WDR1: variants seen among roughly 807,000 people sequenced by gnomAD.
WDR1 encodes WD repeat-containing protein 1.
Under a neutral mutation model 71.9 loss-of-function variants are expected in WDR1, and 21 were observed. That is an observed-to-expected ratio of 0.29 (90% CI 0.21 to 0.42). The LOEUF (loss-of-function observed/expected upper bound fraction) is 0.42. WDR1 is among the 10% of genes least tolerant of loss of function. The pLI, the probability that WDR1 is intolerant of heterozygous loss-of-function variation, is 1.00. For missense variants in WDR1, 696 were observed against 824.5 expected, an observed-to-expected ratio of 0.84 and a Z score of 1.91; for synonymous variants, 424 against 347.4, an observed-to-expected ratio of 1.22 and a Z score of -2.45.
At position 10,116,791 on chromosome 4, in the gene WDR1, G is replaced by T; in HGVS notation, c.-125C>A. 8.8e-7 allele frequency: 1 copy of T among 1,137,374 alleles called. No homozygotes were observed. Among genetic ancestry groups the T allele is most frequent in the South Asian group, 3.2e-5 (1 of 30,832 alleles). 70.5% of individuals were successfully genotyped at this position (1,137,374 alleles called of 1,614,324 possible). A position where few individuals can be genotyped will look rare whatever the true frequency, so the allele number is the denominator to read the frequency against. ...CGGAAGGCGGCACCGGGCGTGCCGG[G>T]AGTGGAGTGGGCGGTCCGAGGCCGG... is the stretch of plus-strand genomic sequence containing the variant. On this transcript the variant is annotated 5_prime_UTR_variant, in exon 1 of 15. Transcript: ENST00000499869.
At position 10,092,960 on chromosome 4, in the gene WDR1, A is replaced by T; in HGVS notation, c.559-4219T>A. 1.0e-5 allele frequency: 9 copies of T among 894,346 alleles called. No homozygotes were observed. The South Asian group carries it at 1.2e-4, about 12-fold the overall frequency. The allele number at this position is 894,346 out of a possible 1,614,324, so 55.4% of individuals were successfully genotyped here. A position where few individuals can be genotyped will look rare whatever the true frequency, so the allele number is the denominator to read the frequency against. On this transcript the variant is annotated intron_variant, in intron 5 of 14. Coordinates refer to ENST00000499869, the MANE Select transcript of WDR1 (RefSeq NM_017491.5). ...CTCCTGCCTGTCCTCCCTTGCAGCC[A>T]ACACATAGCCAAGACTGACCTGTAT...
At chr4:10,109,569 T>A (rs1577078523) in intron 2 of WDR1, among the ~76,000 whole-genome samples, 1 of 152,146 alleles carries the variant, frequency 6.6e-6, no homozygotes. Context: ...TGAACGACTT[T>A]CCCCTCCTGC....
At chr4:10,084,916 CAGG>C (rs1449388505) in intron 8 of WDR1, among the ~76,000 whole-genome samples, 10 of 152,234 alleles carry the variant, frequency 6.6e-5, no homozygotes, top group African/African-American at 2.4e-4. Context: ...GGGGTCGGTC[CAGG>C]AGGACTTCGC....
At chr4:10,081,667 G>GGT (rs1553920557) in intron 10 of WDR1, among the ~76,000 whole-genome samples, 5 of 136,366 alleles carry the variant, frequency 3.7e-5, no homozygotes, top group Admixed American at 1.5e-4. Flanking sequence ...GAGGGGTGGG[G>GGT]GGGGGGGAAG....
chr4:10,081,997 T>TC (rs1765035186), intron 10 of WDR1, among the ~76,000 whole-genome samples: 1 of 152,210 alleles, frequency 6.6e-6, no homozygotes, highest in Non-Finnish European at 1.5e-5. Context: ...AAGTGTGGCA[T>TC]CCCCAAAGGC....
At chr4:10,112,207 GCA>G (rs1382730795) in intron 2 of WDR1, among the ~76,000 whole-genome samples, 1 of 152,032 alleles carries the variant, frequency 6.6e-6, no homozygotes, top group Admixed American at 6.6e-5. Flanking sequence ...CCCAGTCTTT[GCA>G]CAGAGGTCAT....
chr4:10,088,529 G>C (rs1379562657), intron 6 of WDR1, 135 bp downstream of exon 6: 2 of 1,104,950 alleles, frequency 1.8e-6, no homozygotes, highest in Non-Finnish European at 2.7e-6. Context: ...CTCTGACGAC[G>C]AGTCTGCAGA....
chr4:10,075,013 T>C lies in WDR1; in HGVS notation c.*365A>G. 2.9e-6 allele frequency: 1 copy of C among 339,554 alleles called. No individual in the cohort carries two copies. The highest frequency in any genetic ancestry group is 5.4e-6 in the Non-Finnish European group (1 of 186,008). 21.0% of individuals were successfully genotyped at this position (339,554 alleles called of 1,614,324 possible). A position where few individuals can be genotyped will look rare whatever the true frequency, so the allele number is the denominator to read the frequency against. On this transcript the variant is annotated 3_prime_UTR_variant, in exon 15 of 15. Transcript: ENST00000499869. The stretch of plus-strand genomic sequence containing the variant: ...ACATGAGCCCCCCGGCTCATTCACC[T>C]GTACAACCTCCCCTGACAGATAGTG...
At chr4:10,075,569 T>G in intron 14 of WDR1, 85 bp from the exon 15 acceptor site, 1 of 1,267,222 alleles carries the variant, frequency 7.9e-7, no homozygotes, top group Non-Finnish European at 1.1e-6. Flanking sequence ...GAACAACCTG[T>G]GCCTAAATCA....
chr4:10,116,425 C>T, intron 1 of WDR1, 191 bp from the exon 2 acceptor site: 1 of 913,144 alleles, frequency 1.1e-6, no homozygotes, highest in Non-Finnish European at 1.5e-6. Context: ...CCCTTGGGGG[C>T]AGCGGGGCTC....
intron 6 of WDR1, 39 bp downstream of exon 6, chr4:10,088,625 C>T (rs367968295): frequency 6.5e-7 from 1 of 1,534,978 alleles, no homozygotes; most frequent in South Asian, 1.2e-5. Flanking sequence ...AGCAGGCAGA[C>T]AAGCCATTCC....
At chr4:10,080,363 C>A (rs1764963831) in intron 11 of WDR1, among the ~76,000 whole-genome samples, 1 of 148,166 alleles carries the variant, frequency 6.7e-6, no homozygotes, top group African/African-American at 2.5e-5. Flanking sequence ...AGGCCACCTG[C>A]CAGCCTTCTA....
At chr4:10,079,986 C>T (rs1385514762) in intron 11 of WDR1, among the ~76,000 whole-genome samples, 2 of 151,540 alleles carry the variant, frequency 1.3e-5, no homozygotes, top group East Asian at 3.9e-4. Context: ...AACTCTTTGA[C>T]TGGTGACAGG....
Position 10,088,056 on chromosome 4 carries a change from G to C in WDR1, c.718-116C>G, listed in dbSNP as rs141154634. 741 of 1,086,080 alleles carry C rather than the reference G, an allele frequency of 6.8e-4. 14 individuals are homozygous for C. The African/African-American group carries it at 0.011, about 16-fold the overall frequency. The allele number at this position is 1,086,080 out of a possible 1,614,324, so 67.3% of individuals were successfully genotyped here. A position where few individuals can be genotyped will look rare whatever the true frequency, so the allele number is the denominator to read the frequency against. On this transcript the variant is annotated intron_variant, in intron 7 of 14. Coordinates refer to ENST00000499869, the MANE Select transcript of WDR1 (RefSeq NM_017491.5). Reference sequence around the variant, plus strand: ...GTAGGACAGAAGGAGCCCAGAGAGAGGGTGGGACATGAGTGAGGCCAAGGA... The same window carrying C: ...GTAGGACAGAAGGAGCCCAGAGAGACGGTGGGACATGAGTGAGGCCAAGGA...
At chr4:10,098,488 T>A (rs1712491831) in intron 4 of WDR1, among the ~76,000 whole-genome samples, 1 of 152,066 alleles carries the variant, frequency 6.6e-6, no homozygotes, top group Non-Finnish European at 1.5e-5. Context: ...AAAACCTGGG[T>A]TTCGGCACCA....
chr4:10,083,248 A>C, intron 9 of WDR1, 70 bp from the exon 10 acceptor site: 1 of 1,516,878 alleles, frequency 6.6e-7, no homozygotes, highest in Non-Finnish European at 8.9e-7. Context: ...CTTCAGTCCT[A>C]AGATTCTCCA....
At chr4:10,112,934 C>A (rs1713475370) in intron 2 of WDR1, among the ~76,000 whole-genome samples, 1 of 152,256 alleles carries the variant, frequency 6.6e-6, no homozygotes. Flanking sequence ...CACTTGTAGG[C>A]AGCCGTAGCC....
At position 10,084,456 on chromosome 4, in the gene WDR1, G is replaced by T. The variant is rs368528976; in HGVS notation, c.1026C>A (p.His342Gln). The change falls in exon 9 of 15, where the codon CAC (histidine) becomes CAA (glutamine). Residue 342 changes from histidine (H) to glutamine (Q), a missense_variant. His to Gln is a conservative substitution (Grantham distance 24, BLOSUM62 0). Transcript: ENST00000499869. The part of the protein sequence containing the change: ...GGKSYIYSGS[H>Q]DGHINYWDSE... ...GTCAAAGGATATTAATGTGTCCGTC[G>T]TGGCTCCCAGAGTAAATGTAGGACT... 6.2e-7 allele frequency: 1 copy of T among 1,613,764 alleles called. No homozygotes were observed. Among genetic ancestry groups the T allele is most frequent in the East Asian group, 2.2e-5 (1 of 44,874 alleles).
chr4:10,106,737 T>TATTCTA (rs1168626096), intron 2 of WDR1, among the ~76,000 whole-genome samples: 1 of 152,192 alleles, frequency 6.6e-6, no homozygotes, highest in African/African-American at 2.4e-5. Context: ...CTCTCGTTTG[T>TATTCTA]ATTCTAAATA....
Sources: allele counts gnomAD v4.1 joint callset (sites outside exome capture counted in the v4.1 genomes callset), GRCh38; gene constraint gnomAD v4.1.1; transcripts MANE v1.5; gene names NCBI Gene and HGNC (gene_info 2026-07-23, HGNC 2026-07-21).